The following BASP1 variants were observed in gnomAD, a reference collection of about 807,000 sequenced individuals.
BASP1 encodes the protein brain abundant membrane attached signal protein 1.
A neutral mutation model predicts 2.2 loss-of-function variants in BASP1; 1 was observed. That is an observed-to-expected ratio of 0.46 (90% CI 0.16 to 2.17). The LOEUF (loss-of-function observed/expected upper bound fraction) is 2.17. Ranked by LOEUF, BASP1 falls within the 30% of genes most tolerant of loss-of-function variation. BASP1 has a pLI of 0.27. For missense variants in BASP1, 352 were observed against 327.2 expected (o/e 1.08, Z -0.58); for synonymous variants, 187 against 154.2 (o/e 1.21, Z -1.58).
At chr5:17,225,608 T>C (rs1057092395) in intron 1 of BASP1, among the ~76,000 whole-genome samples, 3 of 152,152 alleles carry the variant, frequency 2.0e-5, no homozygotes, top group African/African-American at 4.8e-5. Flanking sequence ...ATGGTGGGTA[T>C]GTGTTTGAAA....
intron 1 of BASP1, among the ~76,000 whole-genome samples, chr5:17,267,613 G>A (rs1341693579): frequency 6.6e-6 from 1 of 151,530 alleles, no homozygotes; most frequent in African/African-American, 2.4e-5. Context: ...CCGCCTCCCG[G>A]GTTCAAGCGA....
chr5:17,221,178 C>T (rs137883300), intron 1 of BASP1, among the ~76,000 whole-genome samples: 1 of 152,278 alleles, frequency 6.6e-6, no homozygotes, highest in East Asian at 1.9e-4. Flanking sequence ...GAAAGCCTAG[C>T]AAGTCTATTA....
At chr5:17,265,270 T>C (rs1267351587) in intron 1 of BASP1, among the ~76,000 whole-genome samples, 1 of 152,162 alleles carries the variant, frequency 6.6e-6, no homozygotes, top group Non-Finnish European at 1.5e-5. Context: ...CAATGGTATA[T>C]TGGGGGGCTT....
At chr5:17,228,738 C>T (rs1286553130) in intron 1 of BASP1, among the ~76,000 whole-genome samples, 7 of 152,186 alleles carry the variant, frequency 4.6e-5, no homozygotes, top group Non-Finnish European at 1.0e-4. Context: ...AACACTATTC[C>T]TTTAACTTGC....
At chr5:17,264,168 G>A (rs912139063) in intron 1 of BASP1, among the ~76,000 whole-genome samples, 5 of 152,180 alleles carry the variant, frequency 3.3e-5, no homozygotes, top group Admixed American at 6.5e-5. Context: ...GTCACTTGTT[G>A]AAAATAGAAA....
chr5:17,262,345 TATC>T (rs1304346003), intron 1 of BASP1, among the ~76,000 whole-genome samples: 1 of 152,226 alleles, frequency 6.6e-6, no homozygotes, highest in African/African-American at 2.4e-5. Flanking sequence ...CAGGGCAACT[TATC>T]ATGATGGCTA....
chr5:17,237,127 C>T (rs750358848), intron 1 of BASP1, among the ~76,000 whole-genome samples: 4 of 152,040 alleles, frequency 2.6e-5, no homozygotes, highest in Non-Finnish European at 5.9e-5. Context: ...GGGCGGATCA[C>T]GAGGTTAGGA....
intron 1 of BASP1, among the ~76,000 whole-genome samples, chr5:17,273,215 T>C (rs1190522105): frequency 6.6e-6 from 1 of 152,248 alleles, no homozygotes; most frequent in East Asian, 1.9e-4. Context: ...ATTTAAAATA[T>C]TGATCCGGTT....
chr5:17,225,130 G>C (rs1247924080), intron 1 of BASP1, among the ~76,000 whole-genome samples: 2 of 152,138 alleles, frequency 1.3e-5, no homozygotes, highest in African/African-American at 4.8e-5. Flanking sequence ...GGAAACCCAG[G>C]TTATTTCCCC....
intron 1 of BASP1, among the ~76,000 whole-genome samples, chr5:17,226,931 C>CT (rs5866244): frequency 1.4e-4 from 20 of 144,778 alleles, no homozygotes; most frequent in East Asian, 4.1e-4. Flanking sequence ...ACTCATTTTT[C>CT]TTTTTTTTTT....
chr5:17,222,191 C>A (rs1157963108), intron 1 of BASP1, among the ~76,000 whole-genome samples: 1 of 152,060 alleles, frequency 6.6e-6, no homozygotes. Flanking sequence ...GACCAAATAT[C>A]ATGGTTCCTA....
chr5:17,271,888 G>A (rs547764077), intron 1 of BASP1, among the ~76,000 whole-genome samples: 1 of 152,050 alleles, frequency 6.6e-6, no homozygotes, highest in East Asian at 1.9e-4. Context: ...CCAACATGGT[G>A]AAACCTCATC....
intron 1 of BASP1, among the ~76,000 whole-genome samples, chr5:17,220,829 C>T (rs1739380822): frequency 6.6e-6 from 1 of 152,058 alleles, no homozygotes; most frequent in South Asian, 2.1e-4. Context: ...TTTTTAATTT[C>T]ACAATTAAGA....
In BASP1 at chr5:17,260,631, C is replaced by T. The variant is rs1740295908; in HGVS notation, c.-9-14577C>T. ...CTGGTGAAAGGTAAGTTACATAACCCAACTTCTAGTCAGGGACTCTTCCAT... is the reference window on the plus strand; with the variant it reads ...CTGGTGAAAGGTAAGTTACATAACCTAACTTCTAGTCAGGGACTCTTCCAT... On this transcript the variant is annotated intron_variant, in intron 1 of 1. Coordinates refer to ENST00000322611, the MANE Select transcript of BASP1 (RefSeq NM_006317.5). The surrounding 1 kb of genome is among the most constrained non-coding windows in gnomAD (Gnocchi z 4.2). 1.3e-5 allele frequency among the ~76,000 whole-genome samples: 2 copies of T among 152,180 alleles called. No individual in the cohort carries two copies. The highest frequency in any genetic ancestry group is 1.3e-4 in the Admixed American group (2 of 15,278).
intron 1 of BASP1, among the ~76,000 whole-genome samples, chr5:17,257,783 TTACATAAAA>T (rs1226067236): frequency 6.6e-6 from 1 of 152,236 alleles, no homozygotes; most frequent in Non-Finnish European, 1.5e-5. Context: ...TGAACTTTAA[TTACATAAAA>T]TGGAGGCTTC....
In BASP1 at chr5:17,227,412, TA is replaced by T. The variant is rs564970219; in HGVS notation, c.-10+9603del. On this transcript the variant is annotated intron_variant, in intron 1 of 1. Transcript: ENST00000322611. Reference sequence around the variant, plus strand: ...TTTTTATATATATATATATATACAATATTTTTTTTGACAGAGTCTCGCCGTG... The same window carrying T: ...TTTTTATATATATATATATATACAATTTTTTTTTGACAGAGTCTCGCCGTG... 3.5e-3 allele frequency among the ~76,000 whole-genome samples: 517 copies of T among 149,680 alleles called. 3 individuals carry two copies. The highest frequency in any genetic ancestry group is 0.013 in the African/African-American group (504 of 39,860).
At chr5:17,245,877 A>G (rs1739975520) in intron 1 of BASP1, among the ~76,000 whole-genome samples, 1 of 152,114 alleles carries the variant, frequency 6.6e-6, no homozygotes, top group African/African-American at 2.4e-5. Context: ...ATAATGCCTG[A>G]GCTTGTGTGC....
At chr5:17,229,411 G>A (rs1361216919) in intron 1 of BASP1, among the ~76,000 whole-genome samples, 1 of 152,210 alleles carries the variant, frequency 6.6e-6, no homozygotes, top group South Asian at 2.1e-4. Context: ...GGGAAAGAAA[G>A]CCCTTGGTTT....
At chr5:17,221,365 G>A (rs7724347) in intron 1 of BASP1, among the ~76,000 whole-genome samples, 1 of 120,992 alleles carries the variant, frequency 8.3e-6, no homozygotes, top group Non-Finnish European at 1.7e-5. Context: ...TCTTGTAAAT[G>A]TTTTTTTTTT....
Sources: gnomAD v4.1 joint callset for allele counts (sites outside exome capture counted in the v4.1 genomes callset) on GRCh38, gnomAD v4.1.1 for gene constraint, Gnocchi (gnomAD v3.1) non-coding constraint, MANE v1.5 for transcripts, NCBI Gene and HGNC (gene_info 2026-07-23, HGNC 2026-07-21) for gene names.